FRMD4A: variants seen among roughly 807,000 people sequenced by gnomAD.
The protein encoded by FRMD4A is FERM domain containing 4A, also known as FERM domain-containing protein 4A.
In FRMD4A, 29 loss-of-function variants were observed where a neutral mutation model predicts 129.1. That is an observed-to-expected ratio of 0.22 (90% CI 0.17 to 0.31). The LOEUF (loss-of-function observed/expected upper bound fraction) is 0.31. Ranked by LOEUF, FRMD4A falls within the 10% of genes least tolerant of loss-of-function variation. The probability of loss-of-function intolerance (pLI) is 1.00; values close to 1 mark genes in which losing one functional copy is unlikely to be tolerated. For synonymous variants in FRMD4A, 634 were observed against 571.6 expected, an observed-to-expected ratio of 1.11 and a Z score of -1.56; for missense variants, 1,272 against 1,375.8, an observed-to-expected ratio of 0.92 and a Z score of 1.19.
chr10:14,320,690 T>A (rs1455691578), intron 2 of FRMD4A, among the ~76,000 whole-genome samples: 1 of 152,244 alleles, frequency 6.6e-6, no homozygotes, highest in Non-Finnish European at 1.5e-5. Flanking sequence ...TCTAATGAGA[T>A]ATAAGTTCCC....
At chr10:14,091,362 G>A (rs1836651730) in intron 2 of FRMD4A, among the ~76,000 whole-genome samples, 1 of 152,108 alleles carries the variant, frequency 6.6e-6, no homozygotes, top group Admixed American at 6.6e-5. Context: ...ATTGCGCTGT[G>A]TGTATAAAGG....
intron 9 of FRMD4A, among the ~76,000 whole-genome samples, chr10:13,741,322 A>G (rs969962106): frequency 6.6e-6 from 1 of 152,046 alleles, no homozygotes; most frequent in Non-Finnish European, 1.5e-5. Context: ...ATGGTGGGGT[A>G]TGCCTGCAGT....
intron 2 of FRMD4A, among the ~76,000 whole-genome samples, chr10:14,035,692 C>T (rs973929702): frequency 6.6e-6 from 1 of 152,132 alleles, no homozygotes; most frequent in African/African-American, 2.4e-5. Flanking sequence ...ATCCCAGCCT[C>T]GATCCAGCTG....
chr10:14,212,403 G>A (rs974061438), intron 2 of FRMD4A, among the ~76,000 whole-genome samples: 2 of 152,172 alleles, frequency 1.3e-5, no homozygotes, highest in African/African-American at 2.4e-5. Flanking sequence ...AGAGGACAAA[G>A]GCGTGGATCA....
chr10:14,229,526 C>T (rs1312088958), intron 2 of FRMD4A, among the ~76,000 whole-genome samples: 3 of 152,140 alleles, frequency 2.0e-5, no homozygotes, highest in Admixed American at 2.0e-4. Flanking sequence ...CAGCCTCGAC[C>T]TCCCATGCTC....
At chr10:14,258,103 A>G (rs1844678753) in intron 2 of FRMD4A, among the ~76,000 whole-genome samples, 2 of 152,112 alleles carry the variant, frequency 1.3e-5, no homozygotes, top group African/African-American at 4.8e-5. Flanking sequence ...TAAAAATCTT[A>G]GTGACCTTGG....
At chr10:14,278,953 C>A (rs11258991) in intron 2 of FRMD4A, among the ~76,000 whole-genome samples, 8,407 of 152,250 alleles carry the variant, frequency 0.055, 262 homozygotes, top group Middle Eastern at 0.088. Context: ...GCCTCCCTTT[C>A]CCTTTAGTGC....
rs746548350 is a variant in FRMD4A at position 14,000,667 on chromosome 10, A to AAG, written c.46-141757_46-141756dup. Among the ~76,000 whole-genome samples the AAG allele has an allele frequency of 9.5e-3, 1,018 of 106,728 alleles. 29 individuals carry two copies. Among genetic ancestry groups the AAG allele is most frequent in the Middle Eastern group, 0.028 (4 of 144 alleles). 70.0% of individuals were successfully genotyped at this position (106,728 alleles called of 152,430 possible). On this transcript the variant is annotated intron_variant, in intron 2 of 24. Coordinates refer to ENST00000357447, the MANE Select transcript of FRMD4A (RefSeq NM_018027.5). The stretch of plus-strand genomic sequence containing the variant: ...ACCTCAAAAAAAAAAAAAAAAAAAA[A>AAG]AGAGAAGAAAGCTATGTCCCCTTTC...
intron 2 of FRMD4A, among the ~76,000 whole-genome samples, chr10:14,277,342 G>C (rs550843006): frequency 1.3e-5 from 2 of 152,344 alleles, no homozygotes; most frequent in South Asian, 2.1e-4. Context: ...ATGGTATTAG[G>C]AAGGGGGGCG....
intron 2 of FRMD4A, among the ~76,000 whole-genome samples, chr10:14,056,076 G>C (rs1373759704): frequency 6.6e-6 from 1 of 152,122 alleles, no homozygotes; most frequent in East Asian, 1.9e-4. Flanking sequence ...CTGTCGCCCA[G>C]GCTGGAGTGC....
chr10:14,129,369 T>C (rs1432153653), intron 2 of FRMD4A, among the ~76,000 whole-genome samples: 1 of 103,886 alleles, frequency 9.6e-6, no homozygotes, highest in Non-Finnish European at 1.9e-5. Context: ...ACAATTATGA[T>C]TCATATATAT....
chr10:14,211,737 C>T (rs111587148), intron 2 of FRMD4A, among the ~76,000 whole-genome samples: 12 of 152,254 alleles, frequency 7.9e-5, no homozygotes, highest in African/African-American at 2.2e-4. Context: ...CCAAAGTCCT[C>T]GAAGCGTTTG....
chr10:14,016,504 A>G (rs547295090), intron 2 of FRMD4A, among the ~76,000 whole-genome samples: 122 of 152,324 alleles, frequency 8.0e-4, no homozygotes, highest in Non-Finnish European at 1.3e-3. Context: ...CTGTTCTGCT[A>G]TAAGGTCCAC....
chr10:13,977,073 G>C (rs117211050), intron 2 of FRMD4A, among the ~76,000 whole-genome samples: 72 of 152,288 alleles, frequency 4.7e-4, no homozygotes, highest in Non-Finnish European at 8.7e-4. Context: ...ATCAATAGCC[G>C]ATTTATTCCA....
intron 2 of FRMD4A, among the ~76,000 whole-genome samples, chr10:14,095,669 G>A (rs2131762853): frequency 6.6e-6 from 1 of 152,334 alleles, no homozygotes; most frequent in South Asian, 2.1e-4. Context: ...CAGCACGCTG[G>A]ATCGAATCCA....
At chr10:13,994,767 TA>T (rs1282205981) in intron 2 of FRMD4A, among the ~76,000 whole-genome samples, 3 of 152,224 alleles carry the variant, frequency 2.0e-5, no homozygotes, top group Non-Finnish European at 4.4e-5. Flanking sequence ...TTTGTAAAGT[TA>T]GAAGATCCAG....
chr10:13,761,931 A>C (rs544838863), intron 7 of FRMD4A, among the ~76,000 whole-genome samples: 2 of 152,356 alleles, frequency 1.3e-5, no homozygotes, highest in South Asian at 2.1e-4. Context: ...TCCACCTCTA[A>C]GCCTGGGTCT....
At chr10:14,231,095 T>A (rs1843624243) in intron 2 of FRMD4A, among the ~76,000 whole-genome samples, 1 of 152,196 alleles carries the variant, frequency 6.6e-6, no homozygotes. Context: ...TGAGTGCCTG[T>A]GTCTTTAGGG....
chr10:13,920,930 G>A (rs2797865), intron 2 of FRMD4A, among the ~76,000 whole-genome samples: 6,131 of 152,178 alleles, frequency 0.04, 281 homozygotes, highest in East Asian at 0.16. Context: ...CAGGCACTGC[G>A]CCACACATGT....
Sources: allele counts gnomAD v4.1 joint callset (sites outside exome capture counted in the v4.1 genomes callset), GRCh38; gene constraint gnomAD v4.1.1; transcripts MANE v1.5; gene names NCBI Gene and HGNC (gene_info 2026-07-23, HGNC 2026-07-21).